Variants in DNMT1 observed in about 807,000 individuals in gnomAD.
DNMT1 encodes DNA methyltransferase 1.
A neutral mutation model predicts 205.3 loss-of-function variants in DNMT1; 24 were observed. The ratio of observed to expected loss-of-function variants is 0.12; its 90% CI spans 0.08 to 0.16. The LOEUF (loss-of-function observed/expected upper bound fraction) is 0.16. Ranked by LOEUF, DNMT1 falls within the 10% of genes least tolerant of loss-of-function variation. The pLI is 1.00. For synonymous variants in DNMT1, 817 were observed against 839.8 expected (o/e 0.97, Z 0.47); for missense variants, 1,293 against 2,177.7 (o/e 0.59, Z 8.09).
rs1272235717 is a variant in DNMT1, at chr19:10,146,298, G to A, written c.2894+53C>T. 6.2e-7 allele frequency: 1 copy of A among 1,604,640 alleles called. No homozygotes were observed. Among genetic ancestry groups the A allele is most frequent in the African/African-American group, 1.3e-5 (1 of 74,728 alleles). On this transcript the variant is annotated intron_variant, in intron 28 of 40. Coordinates refer to ENST00000359526, the MANE Select transcript of DNMT1 (RefSeq NM_001130823.3). This position sits in a 1 kb window ranked among gnomAD's most constrained non-coding sequence, Gnocchi z 4.4. ...TAAGGAGGGGGACACCACAAAGCCA[G>A]CCTGGCTCAGCCTGGAGCGCCCTGG...
intron 9 of DNMT1, 63 bp downstream of exon 9, chr19:10,173,027 A>G: frequency 6.3e-7 from 1 of 1,595,384 alleles, no homozygotes; most frequent in East Asian, 2.2e-5. Context: ...ACGTCCTGGA[A>G]GGAAATTGGG....
Position 10,154,123 on chromosome 19 carries a change from G to A in DNMT1, c.2019+170C>T, listed in dbSNP as rs577809013. Among the ~76,000 whole-genome samples the A allele has an allele frequency of 1.1e-4, 16 of 152,238 alleles. No individual in the cohort carries two copies. The highest frequency in any genetic ancestry group is 5.8e-4 in the East Asian group (3 of 5,186). ...CTCTGTGGACATCTGTCCTATTGAC[G>A]TTCAATGAAGTATGCAGGGTCCTCC... On this transcript the variant is annotated intron_variant, in intron 22 of 40. Coordinates refer to ENST00000359526, the MANE Select transcript of DNMT1 (RefSeq NM_001130823.3). This position sits in a 1 kb window ranked among gnomAD's most constrained non-coding sequence, Gnocchi z 6.3.
At chr19:10,136,946 G>A (rs376020413) in intron 37 of DNMT1, 139 bp downstream of exon 37, 17 of 1,190,878 alleles carry the variant, frequency 1.4e-5, no homozygotes, top group East Asian at 1.3e-4. Flanking sequence ...ACTCAACATG[G>A]TCAGCAGCTA....
intron 22 of DNMT1, among the ~76,000 whole-genome samples, chr19:10,153,325 T>C (rs572548628): frequency 6.6e-5 from 10 of 152,126 alleles, no homozygotes; most frequent in Admixed American, 5.2e-4. Flanking sequence ...ACGTAACAGT[T>C]ACACAAATAA....
rs1346191348 is a variant in DNMT1, at chr19:10,180,184, T to C, written c.493+3A>G. The C allele has an allele frequency of 2.5e-6, 2 of 798,006 alleles. No homozygotes were observed. Among genetic ancestry groups the C allele is most frequent in the African/African-American group, 1.7e-5 (1 of 58,156 alleles). The allele number at this position is 798,006 out of a possible 1,614,324, so 49.4% of individuals were successfully genotyped here. A position where few individuals can be genotyped will look rare whatever the true frequency, so the allele number is the denominator to read the frequency against. On this transcript the variant is annotated splice_donor_region_variant and intron_variant, in intron 5 of 40. Transcript: ENST00000359526. ...AAAATTAGCTGGGTGTGGTGGCACATACCTCTAATCCCAGTTACTTGGGAG... is the reference window on the plus strand; with the variant it reads ...AAAATTAGCTGGGTGTGGTGGCACACACCTCTAATCCCAGTTACTTGGGAG...
chr19:10,145,020 A>G (rs1414111932), intron 28 of DNMT1, among the ~76,000 whole-genome samples: 1 of 152,134 alleles, frequency 6.6e-6, no homozygotes, highest in Non-Finnish European at 1.5e-5. Context: ...GTTTTAAGTC[A>G]CTGTGATTTG....
chr19:10,184,486 C>G (rs554375024), intron 1 of DNMT1: 2 of 152,212 alleles, frequency 1.3e-5, no homozygotes, highest in South Asian at 4.2e-4. Flanking sequence ...TAGCTTGACT[C>G]TTTCAGGGAC....
intron 39 of DNMT1, among the ~76,000 whole-genome samples, chr19:10,134,875 A>G (rs1427121586): frequency 6.8e-6 from 1 of 147,030 alleles, no homozygotes; most frequent in Admixed American, 6.9e-5. Context: ...AAAAAAAAAA[A>G]GACAAATGGG....
intron 37 of DNMT1, among the ~76,000 whole-genome samples, chr19:10,136,757 G>GT (rs111746390): frequency 1.8e-3 from 255 of 143,346 alleles, no homozygotes; most frequent in Middle Eastern, 3.6e-3. Flanking sequence ...TTTATTTATT[G>GT]TTTTTTTTTT....
At chr19:10,162,053 G>C (rs556489456) in intron 13 of DNMT1, among the ~76,000 whole-genome samples, 1 of 151,986 alleles carries the variant, frequency 6.6e-6, no homozygotes, top group African/African-American at 2.4e-5. Flanking sequence ...TGTTGTCCAG[G>C]CTGGTTTCAA....
intron 1 of DNMT1, among the ~76,000 whole-genome samples, chr19:10,186,346 G>A (rs1003997369): frequency 1.3e-5 from 2 of 152,136 alleles, no homozygotes; most frequent in Non-Finnish European, 2.9e-5. Flanking sequence ...TGGCGGGAGG[G>A]TAACTTTAGC....
At chr19:10,170,153 C>T (rs1309266438) in intron 9 of DNMT1, among the ~76,000 whole-genome samples, 3 of 151,642 alleles carry the variant, frequency 2.0e-5, no homozygotes, top group Admixed American at 6.6e-5. Context: ...GACGGGGTGG[C>T]GGGCGCCTAT....
chr19:10,133,408 A>T lies in DNMT1; in HGVS notation c.*259T>A. 1.8e-6 allele frequency: 1 copy of T among 554,674 alleles called. No homozygotes were observed. Among genetic ancestry groups the T allele is most frequent in the Non-Finnish European group, 3.2e-6 (1 of 311,484 alleles). 34.4% of individuals were successfully genotyped at this position (554,674 alleles called of 1,614,324 possible). A position where few individuals can be genotyped will look rare whatever the true frequency, so the allele number is the denominator to read the frequency against. On this transcript the variant is annotated 3_prime_UTR_variant, in exon 41 of 41. Transcript: ENST00000359526. This position sits in a 1 kb window ranked among gnomAD's most constrained non-coding sequence, Gnocchi z 4.1. ...ACATATAAAAACTACATAAAGTCTT[A>T]ATTTCCACTCATACAGTGGTAGATT...
intron 10 of DNMT1, among the ~76,000 whole-genome samples, chr19:10,167,702 G>T (rs1427292377): frequency 6.6e-6 from 1 of 152,200 alleles, no homozygotes; most frequent in African/African-American, 2.4e-5. Flanking sequence ...ACTGTTCTAG[G>T]CCTCTGGCCT....
intron 1 of DNMT1, among the ~76,000 whole-genome samples, chr19:10,184,097 A>G (rs1400562811): frequency 6.6e-6 from 1 of 151,882 alleles, no homozygotes; most frequent in Non-Finnish European, 1.5e-5. Flanking sequence ...TAGTTGGGGC[A>G]CTCCCGTAAG....
At chr19:10,173,039 C>A (rs1317329208) in intron 9 of DNMT1, 51 bp downstream of exon 9, 4 of 1,606,198 alleles carry the variant, frequency 2.5e-6, no homozygotes. Flanking sequence ...GAAATTGGGA[C>A]CATATAGGAT....
chr19:10,169,211 G>T (rs1320768224), intron 9 of DNMT1, among the ~76,000 whole-genome samples: 2 of 151,902 alleles, frequency 1.3e-5, no homozygotes, highest in Admixed American at 6.6e-5. Context: ...TCCACATGTG[G>T]TAGTCTGTGA....
rs73922328 is a variant in DNMT1, at chr19:10,135,909, G to A, written c.4657-57C>T. The A allele has an allele frequency of 8.9e-4, 1,359 of 1,526,468 alleles. 7 individuals are homozygous for A. In the African/African-American group the frequency reaches 0.016, roughly 18 times the overall value. 94.6% of individuals were successfully genotyped at this position (1,526,468 alleles called of 1,614,324 possible). On this transcript the variant is annotated intron_variant, in intron 38 of 40. Transcript: ENST00000359526. ...GTAGCACCCAGGCCGGGTCACCGTC[G>A]GGGACAGGGAGGGAAATGGCACTGT... is the stretch of plus-strand genomic sequence containing the variant.
At chr19:10,143,373 G>A (rs560889089) in intron 29 of DNMT1, among the ~76,000 whole-genome samples, 6 of 148,076 alleles carry the variant, frequency 4.1e-5, no homozygotes, top group Admixed American at 6.8e-5. Flanking sequence ...GTGCCACCAC[G>A]CCCAGCTAGT....
Sources: gnomAD v4.1 joint callset for allele counts (sites outside exome capture counted in the v4.1 genomes callset) on GRCh38, gnomAD v4.1.1 for gene constraint, Gnocchi (gnomAD v3.1) non-coding constraint, MANE v1.5 for transcripts, NCBI Gene and HGNC (gene_info 2026-07-23, HGNC 2026-07-21) for gene names.